The following SLMAP variants were observed in gnomAD, a reference collection of about 807,000 sequenced individuals.
The protein encoded by SLMAP is sarcolemmal membrane-associated protein.
SLMAP carries 44 observed loss-of-function variants against 128.8 expected under a neutral mutation model. The observed-to-expected ratio is 0.34, with a 90% CI of 0.27 to 0.44. The LOEUF is 0.44. Ranked by LOEUF, SLMAP falls within the 20% of genes least tolerant of loss-of-function variation. The probability of loss-of-function intolerance (pLI) is 1.00; values close to 1 mark genes in which losing one functional copy is unlikely to be tolerated. For synonymous variants in SLMAP, 327 were observed against 348.8 expected (o/e 0.94, Z 0.70); for missense variants, 787 against 985.3 (o/e 0.80, Z 2.69).
At chr3:57,775,582 G>A (rs2081743243) in intron 2 of SLMAP, among the ~76,000 whole-genome samples, 1 of 151,438 alleles carries the variant, frequency 6.6e-6, no homozygotes, top group South Asian at 2.1e-4. Context: ...GGCTGCTTGA[G>A]GGAGGCTGAG....
At chr3:57,848,897 C>T (rs1039005717) in intron 5 of SLMAP, among the ~76,000 whole-genome samples, 9 of 151,584 alleles carry the variant, frequency 5.9e-5, no homozygotes, top group South Asian at 2.1e-4. Context: ...TTAGTAGAGA[C>T]GGGGTTTCTC....
In SLMAP at chr3:57,857,783, G is replaced by A. The variant is rs1033242738; in HGVS notation, c.570G>A (p.Gln190=). 3.2e-5 allele frequency: 52 copies of A among 1,613,808 alleles called. No individual in the cohort carries two copies. The highest frequency in any genetic ancestry group is 3.5e-5 in the Non-Finnish European group (41 of 1,179,816). ...TGGAACAGAAGTTAGCCACGCTTCA[G>A]CGGCTACTAGCCATCACCCAAGAGG... ...QMLEQKLATL[Q]RLLAITQEAS... The change falls in exon 7 of 25, where the codon CAG becomes CAA. Residue 190 remains glutamine (Q), a synonymous_variant. Coordinates refer to ENST00000671191, the MANE Select transcript of SLMAP (RefSeq NM_001377540.1).
intron 2 of SLMAP, among the ~76,000 whole-genome samples, chr3:57,822,763 A>C (rs1340385268): frequency 6.6e-6 from 1 of 152,214 alleles, no homozygotes. Flanking sequence ...AACCCCCACA[A>C]GCTGAAATGA....
At chr3:57,858,732 C>G (rs763512764) in intron 8 of SLMAP, among the ~76,000 whole-genome samples, 1 of 151,994 alleles carries the variant, frequency 6.6e-6, no homozygotes, top group Non-Finnish European at 1.5e-5. Flanking sequence ...CACCTGAGCT[C>G]GAGAGTTCAA....
chr3:57,876,737 C>T (rs764351280), intron 14 of SLMAP, among the ~76,000 whole-genome samples: 1 of 152,180 alleles, frequency 6.6e-6, no homozygotes, highest in Non-Finnish European at 1.5e-5. Context: ...CATACATATC[C>T]ATGAACTCTG....
At chr3:57,804,092 A>G (rs2089253467) in intron 2 of SLMAP, among the ~76,000 whole-genome samples, 1 of 152,188 alleles carries the variant, frequency 6.6e-6, no homozygotes, top group Non-Finnish European at 1.5e-5. Flanking sequence ...AATTTGACAG[A>G]TTGTCTGCCA....
chr3:57,925,478 C>G (rs1399896130), intron 23 of SLMAP, among the ~76,000 whole-genome samples: 1 of 151,942 alleles, frequency 6.6e-6, no homozygotes, highest in East Asian at 1.9e-4. Flanking sequence ...CAGGCATGCA[C>G]CACCATGCCT....
chr3:57,790,154 T>C (rs2085146060), intron 2 of SLMAP, among the ~76,000 whole-genome samples: 1 of 152,190 alleles, frequency 6.6e-6, no homozygotes. Flanking sequence ...TTCTGAGTTC[T>C]TAAAGCCAGA....
At chr3:57,920,498 G>A (rs1310782950) in intron 22 of SLMAP, among the ~76,000 whole-genome samples, 4 of 151,910 alleles carry the variant, frequency 2.6e-5, no homozygotes, top group Admixed American at 2.6e-4. Flanking sequence ...ATGATGATGG[G>A]CTCCTGATAA....
At chr3:57,881,922 G>A (rs1048674403) in intron 14 of SLMAP, among the ~76,000 whole-genome samples, 2 of 152,036 alleles carry the variant, frequency 1.3e-5, no homozygotes, top group Non-Finnish European at 2.9e-5. Flanking sequence ...GCTTGAGCCC[G>A]GGAGTTAGAG....
intron 2 of SLMAP, among the ~76,000 whole-genome samples, chr3:57,806,044 T>C (rs137885033): frequency 6.6e-6 from 1 of 152,070 alleles, no homozygotes; most frequent in Non-Finnish European, 1.5e-5. Flanking sequence ...GTTTTGTTTT[T>C]TTTTTGTAAA....
intron 22 of SLMAP, 131 bp from the exon 23 acceptor site, chr3:57,922,758 C>A: frequency 1.2e-6 from 1 of 816,950 alleles, no homozygotes; most frequent in Non-Finnish European, 1.9e-6. Context: ...AGTTATTCCT[C>A]CTTAAACAAA....
At position 57,907,933 on chromosome 3, in the gene SLMAP, G is replaced by T; in HGVS notation, c.1551G>T (p.Gln517His). The T allele has an allele frequency of 1.2e-6, 2 of 1,613,768 alleles. No homozygotes were observed. The highest frequency in any genetic ancestry group is 1.7e-6 in the Non-Finnish European group (2 of 1,179,708). The change falls in exon 18 of 25, where the codon CAG becomes CAT. Residue 517 changes from glutamine to histidine, a missense_variant. Physicochemically the swap from Gln to His is conservative, Grantham distance 24. Transcript: ENST00000671191. ...QSEIEAKQEI[Q>H]HLRKELIEAQ... Reference sequence around the variant, plus strand: ...AAATTGAGGCAAAGCAAGAAATACAGCATCTTCGAAAGGAATTGATCGAAG... The same window carrying T: ...AAATTGAGGCAAAGCAAGAAATACATCATCTTCGAAAGGAATTGATCGAAG...
chr3:57,894,711 A>G (rs1575867646), intron 15 of SLMAP, among the ~76,000 whole-genome samples: 1 of 152,362 alleles, frequency 6.6e-6, no homozygotes, highest in East Asian at 1.9e-4. Flanking sequence ...TGGGACTTAA[A>G]CTGTATATTA....
chr3:57,850,365 A>G (rs2094456111), intron 6 of SLMAP, among the ~76,000 whole-genome samples: 3 of 152,348 alleles, frequency 2.0e-5, no homozygotes, highest in Admixed American at 2.0e-4. Context: ...CCTTTGTACA[A>G]GAGGAATTTT....
At chr3:57,761,211 A>G (rs139389805) in intron 2 of SLMAP, among the ~76,000 whole-genome samples, 8 of 152,160 alleles carry the variant, frequency 5.3e-5, no homozygotes, top group Non-Finnish European at 8.8e-5. Flanking sequence ...GCAATTTGCT[A>G]TAGTGCTATG....
chr3:57,784,984 ATGT>A (rs1299123632), intron 2 of SLMAP, among the ~76,000 whole-genome samples: 2 of 152,120 alleles, frequency 1.3e-5, no homozygotes, highest in Non-Finnish European at 2.9e-5. Context: ...TGGCAACTTG[ATGT>A]TGAACTTCTC....
chr3:57,796,608 T>C (rs2086792569), intron 2 of SLMAP, among the ~76,000 whole-genome samples: 1 of 152,226 alleles, frequency 6.6e-6, no homozygotes, highest in Non-Finnish European at 1.5e-5. Flanking sequence ...TTAGCTATTA[T>C]TATACCCTTT....
Position 57,906,310 on chromosome 3 carries a change from C to CTTTTTTTTTTT in SLMAP, c.1502-1562_1502-1552dup, listed in dbSNP as rs999042505. Among the ~76,000 whole-genome samples the CTTTTTTTTTTT allele has an allele frequency of 5.7e-3, 267 of 46,996 alleles. 41 individuals are homozygous for CTTTTTTTTTTT. Among genetic ancestry groups the CTTTTTTTTTTT allele is most frequent in the African/African-American group, 0.014 (197 of 13,994 alleles). The allele number at this position is 46,996 out of a possible 152,430, so 30.8% of individuals were successfully genotyped here. On this transcript the variant is annotated intron_variant, in intron 17 of 24. Transcript: ENST00000671191. ...GAATCAAATTTTTTTCTTTTTTTTT[C>CTTTTTTTTTTT]TTTTTTTTTTTTTTTTTTTTTTAGA... is the stretch of plus-strand genomic sequence containing the variant.
Sources: allele counts gnomAD v4.1 joint callset (sites outside exome capture counted in the v4.1 genomes callset), GRCh38; gene constraint gnomAD v4.1.1; transcripts MANE v1.5; gene names NCBI Gene and HGNC (gene_info 2026-07-23, HGNC 2026-07-21).